SPIDR: variants seen among roughly 807,000 people sequenced by gnomAD.
SPIDR encodes the protein DNA repair-scaffolding protein.
A neutral mutation model predicts 104.6 loss-of-function variants in SPIDR; 93 were observed. That is an observed-to-expected ratio of 0.89 (90% CI 0.75 to 1.06). The LOEUF (loss-of-function observed/expected upper bound fraction) is 1.06, where lower values mean the gene tolerates loss of function less well. Among genes scored for constraint, SPIDR ranks in the 50% least tolerant of loss-of-function variants. The pLI, the probability that SPIDR is intolerant of heterozygous loss-of-function variation, is 0.00. For missense variants in SPIDR, 1,154 were observed against 1,111.2 expected (o/e 1.04, Z -0.55); for synonymous variants, 431 against 416.9 (o/e 1.03, Z -0.41).
At chr8:47,672,153 A>T (rs2075885768) in intron 10 of SPIDR, among the ~76,000 whole-genome samples, 2 of 152,242 alleles carry the variant, frequency 1.3e-5, no homozygotes, top group African/African-American at 4.8e-5. Context: ...TAGAGACAAG[A>T]TCTCAATACA....
At chr8:47,448,900 C>T (rs1173312597) in intron 8 of SPIDR, among the ~76,000 whole-genome samples, 2 of 152,026 alleles carry the variant, frequency 1.3e-5, no homozygotes, top group Non-Finnish European at 2.9e-5. Flanking sequence ...GCTTTGTGTA[C>T]GAAGTAGAAA....
At chr8:47,711,955 G>A (rs933012067) in intron 14 of SPIDR, among the ~76,000 whole-genome samples, 5 of 152,058 alleles carry the variant, frequency 3.3e-5, no homozygotes, top group Non-Finnish European at 7.4e-5. Flanking sequence ...GGAATTCTCA[G>A]CCTGACCACA....
At chr8:47,386,379 C>T (rs1377208079) in intron 5 of SPIDR, among the ~76,000 whole-genome samples, 3 of 152,084 alleles carry the variant, frequency 2.0e-5, no homozygotes, top group African/African-American at 4.8e-5. Flanking sequence ...TTCTACTTGA[C>T]GTAAGTATTC....
At chr8:47,380,524 G>T (rs782056129) in intron 5 of SPIDR, among the ~76,000 whole-genome samples, 50 of 152,180 alleles carry the variant, frequency 3.3e-4, no homozygotes, top group Non-Finnish European at 6.3e-4. Flanking sequence ...CCCGGCAGGT[G>T]CCTTTCTTGA....
At chr8:47,462,007 G>A (rs529131404) in intron 8 of SPIDR, among the ~76,000 whole-genome samples, 13 of 152,072 alleles carry the variant, frequency 8.5e-5, no homozygotes, top group African/African-American at 2.7e-4. Context: ...TCATATTACC[G>A]GAATTGTTTT....
At chr8:47,453,959 C>A (rs1298596171) in intron 8 of SPIDR, among the ~76,000 whole-genome samples, 2 of 151,950 alleles carry the variant, frequency 1.3e-5, no homozygotes, top group African/African-American at 2.4e-5. Context: ...GAATGGTGAT[C>A]ATTAAAAAGT....
At chr8:47,724,832 T>A (rs900015124) in intron 16 of SPIDR, among the ~76,000 whole-genome samples, 1 of 152,216 alleles carries the variant, frequency 6.6e-6, no homozygotes, top group Non-Finnish European at 1.5e-5. Flanking sequence ...CTATTCTCCC[T>A]GAGTGGCAGC....
intron 11 of SPIDR, among the ~76,000 whole-genome samples, chr8:47,697,150 T>A (rs1053643285): frequency 6.6e-6 from 1 of 152,042 alleles, no homozygotes; most frequent in African/African-American, 2.4e-5. Flanking sequence ...GCCTCTTACA[T>A]TTCATTGACT....
chr8:47,363,788 G>A (rs1265270915), intron 5 of SPIDR, among the ~76,000 whole-genome samples: 1 of 151,648 alleles, frequency 6.6e-6, no homozygotes, highest in African/African-American at 2.4e-5. Flanking sequence ...TAGTTAGGAG[G>A]GTGTGGTGGC....
At chr8:47,567,033 A>G (rs1294701156) in intron 8 of SPIDR, among the ~76,000 whole-genome samples, 1 of 152,226 alleles carries the variant, frequency 6.6e-6, no homozygotes, top group African/African-American at 2.4e-5. Flanking sequence ...ATAAATAACT[A>G]GAAAACACAA....
At chr8:47,272,878 A>G (rs2035618484) in intron 1 of SPIDR, among the ~76,000 whole-genome samples, 1 of 152,178 alleles carries the variant, frequency 6.6e-6, no homozygotes, top group African/African-American at 2.4e-5. Context: ...GTATTATAAT[A>G]TACATATGTA....
At chr8:47,547,180 T>C in intron 8 of SPIDR, 1 of 640,494 alleles carries the variant, frequency 1.6e-6, no homozygotes, top group Non-Finnish European at 2.9e-6. Context: ...AGTCACCAGA[T>C]GAGGGATTCC....
At chr8:47,517,558 A>G (rs1479940480) in intron 8 of SPIDR, among the ~76,000 whole-genome samples, 2 of 152,154 alleles carry the variant, frequency 1.3e-5, no homozygotes, top group South Asian at 2.1e-4. Flanking sequence ...TTCTGTTGAT[A>G]TATTTGTGTC....
At chr8:47,269,807 A>T (rs1277293385) in intron 1 of SPIDR, among the ~76,000 whole-genome samples, 2 of 151,982 alleles carry the variant, frequency 1.3e-5, no homozygotes, top group Admixed American at 6.6e-5. Context: ...TTGTATATAC[A>T]TTTTTATCAG....
At chr8:47,288,880 G>C (rs986562290) in intron 3 of SPIDR, among the ~76,000 whole-genome samples, 1 of 152,124 alleles carries the variant, frequency 6.6e-6, no homozygotes, top group African/African-American at 2.4e-5. Flanking sequence ...TTTCCTGATC[G>C]ATGCAAAGTG....
intron 10 of SPIDR, among the ~76,000 whole-genome samples, chr8:47,652,177 GAGT>G (rs1364275156): frequency 6.6e-6 from 1 of 152,202 alleles, no homozygotes; most frequent in Non-Finnish European, 1.5e-5. Flanking sequence ...TCAGAAAAGT[GAGT>G]AGGAGGCAAT....
intron 8 of SPIDR, among the ~76,000 whole-genome samples, chr8:47,535,480 C>G (rs2086743355): frequency 6.6e-6 from 1 of 152,080 alleles, no homozygotes; most frequent in Non-Finnish European, 1.5e-5. Flanking sequence ...ATCAGTGCCT[C>G]TCATGAATGT....
At chr8:47,463,844 A>G (rs914270074) in intron 8 of SPIDR, among the ~76,000 whole-genome samples, 1 of 152,204 alleles carries the variant, frequency 6.6e-6, no homozygotes. Flanking sequence ...CAAACTGGGA[A>G]CATAAGATTA....
chr8:47,465,767 G>A (rs550839896), intron 8 of SPIDR, among the ~76,000 whole-genome samples: 2 of 152,164 alleles, frequency 1.3e-5, no homozygotes, highest in Admixed American at 6.5e-5. Context: ...GTAGTATGTT[G>A]TCTTCAAGAG....
Sources: allele counts gnomAD v4.1 joint callset (sites outside exome capture counted in the v4.1 genomes callset), GRCh38; gene constraint gnomAD v4.1.1; transcripts MANE v1.5; gene names NCBI Gene and HGNC (gene_info 2026-07-23, HGNC 2026-07-21).